The following FHIT variants were observed in gnomAD, a reference collection of about 807,000 sequenced individuals.
FHIT encodes fragile histidine triad diadenosine triphosphatase, also known as bis(5'-adenosyl)-triphosphatase.
A neutral mutation model predicts 17.9 loss-of-function variants in FHIT; 19 were observed. That is an observed-to-expected ratio of 1.06 (90% CI 0.74 to 1.56). FHIT has a LOEUF of 1.56. Ranked by LOEUF, FHIT falls within the 40% of genes most tolerant of loss-of-function variation. FHIT has a pLI of 0.00. For synonymous variants in FHIT, 81 were observed against 69.7 expected (o/e 1.16, Z -0.81); for missense variants, 248 against 189.2 (o/e 1.31, Z -1.82).
At chr3:59,928,440 G>A (rs1379983001) in intron 7 of FHIT, among the ~76,000 whole-genome samples, 2 of 152,198 alleles carry the variant, frequency 1.3e-5, no homozygotes, top group Admixed American at 1.3e-4. Context: ...CCACAAGCAA[G>A]AATGTGAAAA....
rs2035348368 is a variant in FHIT, at chr3:60,521,255, TA to T, written c.103+15604del. On this transcript the variant is annotated intron_variant, in intron 5 of 9. Transcript: ENST00000492590. Reference sequence around the variant, plus strand: ...ACAATAAAAAAAAAATAAGTATTATTATTATTTTTTGAGGCGGAGGCTTGCT... The same window carrying T: ...ACAATAAAAAAAAAATAAGTATTATTTTATTTTTTGAGGCGGAGGCTTGCT... Among the ~76,000 whole-genome samples, 5 of 79,222 alleles carry T rather than the reference TA, an allele frequency of 6.3e-5. No homozygotes were observed. In the South Asian group the frequency reaches 2.3e-3, roughly 36 times the overall value. The allele number at this position is 79,222 out of a possible 152,430, so 52.0% of individuals were successfully genotyped here. A position where few individuals can be genotyped will look rare whatever the true frequency, so the allele number is the denominator to read the frequency against.
chr3:60,670,996 C>T (rs2040491310), intron 4 of FHIT, among the ~76,000 whole-genome samples: 3 of 152,206 alleles, frequency 2.0e-5, no homozygotes, highest in Admixed American at 2.0e-4. Context: ...TGCCCACCTT[C>T]ATTCATCCAG....
chr3:61,101,472 A>G (rs1205998212), intron 2 of FHIT, among the ~76,000 whole-genome samples: 1 of 152,140 alleles, frequency 6.6e-6, no homozygotes, highest in African/African-American at 2.4e-5. Flanking sequence ...GTCTTGTAGT[A>G]TAGTTTGAAG....
intron 5 of FHIT, among the ~76,000 whole-genome samples, chr3:60,535,138 C>A (rs1327534841): frequency 6.6e-6 from 1 of 152,136 alleles, no homozygotes; most frequent in Non-Finnish European, 1.5e-5. Context: ...GCACAAGAAT[C>A]GGTTGAACCC....
At chr3:60,319,850 G>A (rs1169746243) in intron 5 of FHIT, among the ~76,000 whole-genome samples, 1 of 152,122 alleles carries the variant, frequency 6.6e-6, no homozygotes, top group African/African-American at 2.4e-5. Context: ...TCTGAGGGTA[G>A]AATCATCTTT....
chr3:61,087,852 C>A (rs1449959290), intron 2 of FHIT, among the ~76,000 whole-genome samples: 1 of 152,010 alleles, frequency 6.6e-6, no homozygotes. Flanking sequence ...CCAGCCCTAG[C>A]AAGTCTATTC....
At chr3:60,060,746 T>C (rs1255087066) in intron 5 of FHIT, among the ~76,000 whole-genome samples, 1 of 152,156 alleles carries the variant, frequency 6.6e-6, no homozygotes, top group Non-Finnish European at 1.5e-5. Flanking sequence ...GATACCAAAA[T>C]CAATGGAATG....
chr3:61,210,826 A>G (rs1396843623), intron 1 of FHIT, among the ~76,000 whole-genome samples: 1 of 151,680 alleles, frequency 6.6e-6, no homozygotes, highest in African/African-American at 2.4e-5. Flanking sequence ...CACCCACTGT[A>G]TTGCACTCCC....
At chr3:60,640,194 A>G (rs1278289151) in intron 4 of FHIT, among the ~76,000 whole-genome samples, 2 of 152,168 alleles carry the variant, frequency 1.3e-5, no homozygotes, top group African/African-American at 2.4e-5. Flanking sequence ...AATGTTCTGC[A>G]CCTTGATTTT....
intron 4 of FHIT, among the ~76,000 whole-genome samples, chr3:60,807,027 TA>T (rs1701418237): frequency 6.6e-6 from 1 of 152,222 alleles, no homozygotes; most frequent in Non-Finnish European, 1.5e-5. Flanking sequence ...GAGAGGCTAT[TA>T]GCGCCACTTC....
intron 4 of FHIT, among the ~76,000 whole-genome samples, chr3:60,561,895 GAAAAA>G (rs200176867): frequency 7.4e-6 from 1 of 134,372 alleles, no homozygotes; most frequent in Non-Finnish European, 1.6e-5. Flanking sequence ...TGAAAGAAAA[GAAAAA>G]AAAAGAAAAG....
At chr3:60,928,497 C>T (rs1219841187) in intron 3 of FHIT, among the ~76,000 whole-genome samples, 2 of 151,044 alleles carry the variant, frequency 1.3e-5, no homozygotes, top group Non-Finnish European at 2.9e-5. Context: ...TGCAGCAAGC[C>T]ATGATTGTGC....
Position 60,114,001 on chromosome 3 carries a change from C to CAAAAAAAAA in FHIT, c.104-99850_104-99849insTTTTTTTTT, listed in dbSNP as rs1559644017. Among the ~76,000 whole-genome samples, 4 of 17,932 alleles carry CAAAAAAAAA rather than the reference C, an allele frequency of 2.2e-4. 2 individuals are homozygous for CAAAAAAAAA. Among genetic ancestry groups the CAAAAAAAAA allele is most frequent in the Non-Finnish European group, 2.9e-4 (4 of 13,640 alleles). The allele number at this position is 17,932 out of a possible 152,430, so 11.8% of individuals were successfully genotyped here. On this transcript the variant is annotated intron_variant, in intron 5 of 9. Transcript: ENST00000492590. ...TGGGCAATAGAACAAGACCCCGTCT[C>CAAAAAAAAA]CAAAAAAAAAAAAAAAAAAAAAAAA... is the stretch of plus-strand genomic sequence containing the variant.
intron 2 of FHIT, among the ~76,000 whole-genome samples, chr3:61,196,364 A>C (rs2038853787): frequency 1.3e-5 from 2 of 152,220 alleles, no homozygotes; most frequent in African/African-American, 4.8e-5. Flanking sequence ...ATATAAGTAC[A>C]ATATGGTATT....
intron 4 of FHIT, among the ~76,000 whole-genome samples, chr3:60,777,853 T>G (rs1700259801): frequency 6.6e-6 from 1 of 152,078 alleles, no homozygotes. Flanking sequence ...TTGGGCAATA[T>G]TAAAAAAAAA....
intron 5 of FHIT, among the ~76,000 whole-genome samples, chr3:60,296,929 A>T (rs1248118930): frequency 1.3e-5 from 2 of 151,676 alleles, no homozygotes; most frequent in Non-Finnish European, 2.9e-5. Flanking sequence ...TGCAAAAAAA[A>T]AAAAAAAAAG....
At chr3:60,340,932 C>T (rs1039725182) in intron 5 of FHIT, among the ~76,000 whole-genome samples, 2 of 152,100 alleles carry the variant, frequency 1.3e-5, no homozygotes, top group African/African-American at 4.8e-5. Context: ...CCTTGTGATG[C>T]GCCCATCTCA....
intron 5 of FHIT, among the ~76,000 whole-genome samples, chr3:60,091,255 G>A (rs1158660910): frequency 6.6e-6 from 1 of 152,174 alleles, no homozygotes; most frequent in Non-Finnish European, 1.5e-5. Context: ...ATCCAGGCAA[G>A]GACATATGAG....
chr3:59,986,533 A>T (rs1480522360), intron 7 of FHIT, among the ~76,000 whole-genome samples: 272 of 3,986 alleles, frequency 0.068, 1 homozygote, highest in East Asian at 0.36. Context: ...ATATATATAT[A>T]TATATATACA....
Sources: allele counts gnomAD v4.1 joint callset (sites outside exome capture counted in the v4.1 genomes callset), GRCh38; gene constraint gnomAD v4.1.1; transcripts MANE v1.5; gene names NCBI Gene and HGNC (gene_info 2026-07-23, HGNC 2026-07-21).